AVEN: variants seen among roughly 807,000 people sequenced by gnomAD.
The protein encoded by AVEN is apoptosis and caspase activation inhibitor, also known as cell death regulator Aven.
Under a neutral mutation model 38.1 loss-of-function variants are expected in AVEN, and 41 were observed. That is an observed-to-expected ratio of 1.08 (90% CI 0.84 to 1.40). AVEN has a LOEUF of 1.40. Ranked by LOEUF, AVEN falls within the 40% of genes most tolerant of loss-of-function variation. The probability of loss-of-function intolerance (pLI) is 0.00; values close to 1 mark genes in which losing one functional copy is unlikely to be tolerated. For missense variants in AVEN, 605 were observed against 438.8 expected, an observed-to-expected ratio of 1.38 and a Z score of -3.38; for synonymous variants, 206 against 171.8, an observed-to-expected ratio of 1.20 and a Z score of -1.56.
intron 1 of AVEN, 51 bp from the exon 2 acceptor site, chr15:34,003,260 T>C (rs763590622): frequency 1.5e-5 from 23 of 1,563,934 alleles, no homozygotes; most frequent in Non-Finnish European, 1.9e-5. Context: ...ATCCTGACCT[T>C]AGTAGACTTC....
In AVEN at chr15:34,063,663, G is replaced by A. The variant is rs141362421; in HGVS notation, n.1127-231C>T. 2,026 of 1,614,152 alleles carry A rather than the reference G, an allele frequency of 1.3e-3. 3 individuals are homozygous for A. Among genetic ancestry groups the A allele is most frequent in the Non-Finnish European group, 1.6e-3 (1,830 of 1,180,028 alleles). On this transcript the variant is annotated intron_variant and non_coding_transcript_variant, in intron 4 of 11. Coordinates refer to the AVEN transcript ENST00000675287. This position sits in a 1 kb window ranked among gnomAD's most constrained non-coding sequence, Gnocchi z 4.1. The stretch of plus-strand genomic sequence containing the variant: ...TTCCTCAGAGGATGAGGACAAGCCC[G>A]CCACTGACCCTGTCCTCCAAGTGGT...
At chr15:33,904,764 T>A (rs1002442600) in intron 2 of AVEN, among the ~76,000 whole-genome samples, 1 of 150,000 alleles carries the variant, frequency 6.7e-6, no homozygotes, top group Non-Finnish European at 1.5e-5. Context: ...CACACACATA[T>A]ATATGTATAT....
chr15:34,066,382 T>C (rs574586020), intron 3 of AVEN: 48 of 152,382 alleles, frequency 3.1e-4, no homozygotes, highest in African/African-American at 7.5e-4. Flanking sequence ...CCATTCGCAG[T>C]TGAGAGTGAA....
intron 2 of AVEN, chr15:33,885,733 G>A (rs1345425999): frequency 5.3e-5 from 8 of 152,150 alleles, no homozygotes; most frequent in Non-Finnish European, 1.2e-4. Context: ...CATCTGCATG[G>A]ATTATGTTGA....
chr15:33,866,880 G>A (rs1167921892), intron 5 of AVEN, 152 bp from the exon 6 acceptor site: 2 of 616,044 alleles, frequency 3.2e-6, no homozygotes, highest in Non-Finnish European at 5.4e-6. Context: ...AACAAATAAA[G>A]CTGGGTAGAG....
At chr15:34,055,440 G>T (rs1235516268) in intron 5 of AVEN, among the ~76,000 whole-genome samples, 1 of 152,010 alleles carries the variant, frequency 6.6e-6, no homozygotes, top group Non-Finnish European at 1.5e-5. Flanking sequence ...GGGAGGAAGA[G>T]GTTACAGTGA....
At chr15:33,869,811 G>C (rs549888398) in intron 4 of AVEN, among the ~76,000 whole-genome samples, 20 of 150,278 alleles carry the variant, frequency 1.3e-4, no homozygotes, top group Non-Finnish European at 2.7e-4. Context: ...AAATCAGTAC[G>C]TCCCAAGGTT....
downstream of AVEN, chr15:33,854,276 G>T (rs763437328): frequency 1.3e-6 from 1 of 756,400 alleles, no homozygotes. Flanking sequence ...ATAAAGCTGA[G>T]AGCCATATTT....
At chr15:33,903,220 A>G (rs972883260) in intron 2 of AVEN, among the ~76,000 whole-genome samples, 1 of 152,202 alleles carries the variant, frequency 6.6e-6, no homozygotes, top group Admixed American at 6.5e-5. Context: ...TCTTAGTATT[A>G]TGTGGTGGCA....
At chr15:34,028,620 A>G (rs1898612223) in intron 1 of AVEN, among the ~76,000 whole-genome samples, 1 of 152,208 alleles carries the variant, frequency 6.6e-6, no homozygotes, top group African/African-American at 2.4e-5. Context: ...GAGGACAGCA[A>G]AGTGGCAAAG....
chr15:34,057,403 A>G (rs747830664), intron 5 of AVEN, among the ~76,000 whole-genome samples: 1 of 151,984 alleles, frequency 6.6e-6, no homozygotes, highest in Non-Finnish European at 1.5e-5. Flanking sequence ...CGGCTTCCCA[A>G]AGTGCTGGGA....
intron 1 of AVEN, among the ~76,000 whole-genome samples, chr15:34,021,837 C>T (rs1898214850): frequency 6.6e-6 from 1 of 151,952 alleles, no homozygotes; most frequent in African/African-American, 2.4e-5. Context: ...CCTGGGTGGA[C>T]AGCGCAAGAC....
chr15:33,983,130 G>C (rs1309158207), intron 2 of AVEN, among the ~76,000 whole-genome samples: 1 of 97,212 alleles, frequency 1.0e-5, no homozygotes, highest in Non-Finnish European at 2.1e-5. Context: ...TCCATACTCT[G>C]TGTGTGTGTG....
At chr15:33,933,718 G>A (rs937867368) in intron 2 of AVEN, among the ~76,000 whole-genome samples, 1 of 152,184 alleles carries the variant, frequency 6.6e-6, no homozygotes, top group Non-Finnish European at 1.5e-5. Flanking sequence ...CAGCACTTTG[G>A]GAGGATGAGG....
At chr15:33,861,668 T>C (rs1888277877), downstream of AVEN, among the ~76,000 whole-genome samples, 1 of 152,168 alleles carries the variant, frequency 6.6e-6, no homozygotes, top group African/African-American at 2.4e-5. Flanking sequence ...TACATCATAA[T>C]ATTGGGTCTT....
intron 1 of AVEN, among the ~76,000 whole-genome samples, chr15:34,073,508 T>G (rs1239197828): frequency 2.4e-5 from 3 of 122,828 alleles, no homozygotes; most frequent in South Asian, 2.6e-4. Context: ...TTTTCTTTTC[T>G]TTTCTTTTTT....
At chr15:33,909,507 TGTA>T (rs1892839456) in intron 2 of AVEN, among the ~76,000 whole-genome samples, 1 of 152,124 alleles carries the variant, frequency 6.6e-6, no homozygotes, top group Non-Finnish European at 1.5e-5. Context: ...CAATAATGCT[TGTA>T]GTAAGGAAGA....
At chr15:33,855,708 C>T (rs1006715723), downstream of AVEN, among the ~76,000 whole-genome samples, 1 of 151,948 alleles carries the variant, frequency 6.6e-6, no homozygotes, top group Non-Finnish European at 1.5e-5. Flanking sequence ...TTGTTATACA[C>T]ATAGTACACA....
rs143617311 is a variant in AVEN at position 33,891,851 on chromosome 15, G to A, written c.446-15856C>T. The stretch of plus-strand genomic sequence containing the variant: ...ACCAATTTACACTCCCACCAACAAA[G>A]TAAAAGCATTCCTATTTCTCCACAT... On this transcript the variant is annotated intron_variant, in intron 2 of 5. Transcript: ENST00000306730. Among the ~76,000 whole-genome samples the A allele has an allele frequency of 2.0e-5, 3 of 152,324 alleles. No homozygotes were observed. The South Asian group carries it at 6.2e-4, about 32-fold the overall frequency.
Sources: gnomAD v4.1 joint callset for allele counts (sites outside exome capture counted in the v4.1 genomes callset) on GRCh38, gnomAD v4.1.1 for gene constraint, Gnocchi (gnomAD v3.1) non-coding constraint, MANE v1.5 for transcripts, NCBI Gene and HGNC (gene_info 2026-07-23, HGNC 2026-07-21) for gene names.